Variants in EXT1 observed in about 807,000 individuals in gnomAD.
EXT1 encodes exostosin-1.
EXT1 carries 20 observed loss-of-function variants against 82.5 expected under a neutral mutation model. The ratio of observed to expected loss-of-function variants is 0.24; its 90% CI spans 0.17 to 0.35. The LOEUF (loss-of-function observed/expected upper bound fraction) is 0.35, where lower values mean the gene tolerates loss of function less well. EXT1 is among the 10% of genes least tolerant of loss of function. EXT1 has a pLI of 1.00. For missense variants in EXT1, 757 were observed against 936.5 expected (o/e 0.81, Z 2.50); for synonymous variants, 348 against 350.8 (o/e 0.99, Z 0.09).
intron 1 of EXT1, among the ~76,000 whole-genome samples, chr8:117,974,534 C>T (rs759022269): frequency 1.3e-5 from 2 of 152,186 alleles, no homozygotes; most frequent in Non-Finnish European, 2.9e-5. Flanking sequence ...GTGGTGAGAT[C>T]ACAGCTCACT....
At chr8:117,998,039 G>A (rs1234020900) in intron 1 of EXT1, among the ~76,000 whole-genome samples, 1 of 146,958 alleles carries the variant, frequency 6.8e-6, no homozygotes, top group African/African-American at 2.5e-5. Flanking sequence ...TTTTGAGACG[G>A]AGTCTTGCTC....
intron 1 of EXT1, among the ~76,000 whole-genome samples, chr8:117,949,466 AT>A (rs1002086749): frequency 1.5e-4 from 23 of 150,272 alleles, no homozygotes; most frequent in Non-Finnish European, 3.0e-4. Flanking sequence ...GTGTGTGTAT[AT>A]ATACACACAC....
At chr8:117,977,703 C>A (rs969590200) in intron 1 of EXT1, among the ~76,000 whole-genome samples, 1 of 152,122 alleles carries the variant, frequency 6.6e-6, no homozygotes, top group African/African-American at 2.4e-5. Context: ...GTGGGGTCCT[C>A]CTAATCATTG....
intron 1 of EXT1, among the ~76,000 whole-genome samples, chr8:117,976,038 T>A (rs1815058169): frequency 6.6e-6 from 1 of 152,214 alleles, no homozygotes; most frequent in Non-Finnish European, 1.5e-5. Flanking sequence ...CATAACTGAA[T>A]TAGTCTTCAA....
At chr8:118,053,978 T>C (rs1816757046) in intron 1 of EXT1, among the ~76,000 whole-genome samples, 1 of 152,170 alleles carries the variant, frequency 6.6e-6, no homozygotes, top group Admixed American at 6.5e-5. Flanking sequence ...AGTCAGGAGA[T>C]ATTTTTGACT....
Position 117,804,721 on chromosome 8 carries a change from C to T in EXT1, c.2055+1G>A, listed in dbSNP as rs2129693279. The T allele has an allele frequency of 6.2e-7, 1 of 1,614,030 alleles. No individual in the cohort carries two copies. Among genetic ancestry groups the T allele is most frequent in the Non-Finnish European group, 8.5e-7 (1 of 1,179,916 alleles). On this transcript the variant is annotated splice_donor_variant, in intron 10 of 10. Coordinates refer to ENST00000378204, the MANE Select transcript of EXT1 (RefSeq NM_000127.3). LOFTEE classifies it high-confidence loss of function. ...AGGGAAGAGGGCTCTTCTATACTTA[C>T]CTGTCCCATCATTGTCTCCTTATAC...
chr8:118,090,230 C>G (rs888801987), intron 1 of EXT1, among the ~76,000 whole-genome samples: 6 of 151,742 alleles, frequency 4.0e-5, no homozygotes, highest in African/African-American at 1.5e-4. Context: ...GAGACCAGCC[C>G]GGGCAACACA....
chr8:117,869,669 T>A (rs12549000), intron 1 of EXT1, among the ~76,000 whole-genome samples: 15,064 of 152,270 alleles, frequency 0.099, 891 homozygotes, highest in South Asian at 0.17. Context: ...CGCAATAATC[T>A]CTAGCATATA....
chr8:118,040,617 C>T (rs1816511479), intron 1 of EXT1, among the ~76,000 whole-genome samples: 1 of 152,192 alleles, frequency 6.6e-6, no homozygotes, highest in Non-Finnish European at 1.5e-5. Context: ...GGGACACCAT[C>T]CAAAGGTCAT....
intron 1 of EXT1, among the ~76,000 whole-genome samples, chr8:117,879,555 C>T (rs17503948): frequency 6.6e-6 from 1 of 152,080 alleles, no homozygotes; most frequent in African/African-American, 2.4e-5. Flanking sequence ...AGGAAGGAGA[C>T]AGGTTATGGT....
chr8:118,040,004 A>G (rs1246827632), intron 1 of EXT1, among the ~76,000 whole-genome samples: 1 of 152,206 alleles, frequency 6.6e-6, no homozygotes. Flanking sequence ...ACAGTCCTGC[A>G]ATGTTGAAAT....
chr8:117,825,704 C>T (rs186630890), intron 4 of EXT1, among the ~76,000 whole-genome samples: 53 of 152,260 alleles, frequency 3.5e-4, no homozygotes, highest in Admixed American at 5.2e-4. Flanking sequence ...CTAAGATACA[C>T]GATGCCACCA....
chr8:117,891,805 C>CTT (rs33967253), intron 1 of EXT1, among the ~76,000 whole-genome samples: 12,644 of 120,950 alleles, frequency 0.1, 1,021 homozygotes, highest in South Asian at 0.17. Flanking sequence ...TTTTTTCTTG[C>CTT]TTTTTTTTTT....
intron 1 of EXT1, among the ~76,000 whole-genome samples, chr8:117,881,554 A>C (rs1386275930): frequency 6.6e-6 from 1 of 152,192 alleles, no homozygotes; most frequent in Non-Finnish European, 1.5e-5. Context: ...AACTTGAGTC[A>C]AGGGGTAAAG....
intron 1 of EXT1, among the ~76,000 whole-genome samples, chr8:117,888,385 T>C (rs1813185804): frequency 1.3e-5 from 2 of 152,086 alleles, no homozygotes; most frequent in South Asian, 4.1e-4. Context: ...ACAGCATGAG[T>C]TTCAGATCTT....
chr8:117,891,607 G>A (rs954197952), intron 1 of EXT1, among the ~76,000 whole-genome samples: 5 of 152,110 alleles, frequency 3.3e-5, no homozygotes, highest in Admixed American at 2.6e-4. Flanking sequence ...ATGTAAATAT[G>A]CTTTTCCTAT....
intron 1 of EXT1, among the ~76,000 whole-genome samples, chr8:117,880,702 T>C (rs2129918189): frequency 6.6e-6 from 1 of 151,882 alleles, no homozygotes; most frequent in East Asian, 1.9e-4. Flanking sequence ...GCAATTCTCC[T>C]GCCTCAGCCT....
chr8:118,023,912 T>C (rs1223605754), intron 1 of EXT1, among the ~76,000 whole-genome samples: 1 of 152,238 alleles, frequency 6.6e-6, no homozygotes, highest in Non-Finnish European at 1.5e-5. Context: ...CACCCTCACA[T>C]TGTGGCTCCA....
At chr8:117,865,346 T>C (rs1480761403) in intron 1 of EXT1, among the ~76,000 whole-genome samples, 1 of 152,128 alleles carries the variant, frequency 6.6e-6, no homozygotes, top group Non-Finnish European at 1.5e-5. Context: ...TTTTTAAAGG[T>C]TTTTTGAAGA....
Sources: gnomAD v4.1 joint callset for allele counts (sites outside exome capture counted in the v4.1 genomes callset) on GRCh38, gnomAD v4.1.1 for gene constraint, MANE v1.5 for transcripts, NCBI Gene and HGNC (gene_info 2026-07-23, HGNC 2026-07-21) for gene names.